Variants in FAM114A2 observed in about 807,000 individuals in gnomAD.
FAM114A2 encodes the protein protein FAM114A2.
In FAM114A2, 53 loss-of-function variants were observed where a neutral mutation model predicts 58.4. That is an observed-to-expected ratio of 0.91 (90% CI 0.73 to 1.14). FAM114A2 has a LOEUF of 1.14. Among genes scored for constraint, FAM114A2 ranks in the 50% most tolerant of loss-of-function variants. The pLI is 0.00. For missense variants in FAM114A2, 601 were observed against 581.1 expected, an observed-to-expected ratio of 1.03 and a Z score of -0.35; for synonymous variants, 228 against 211.4, an observed-to-expected ratio of 1.08 and a Z score of -0.68.
chr5:154,003,281 C>T (rs1241605339), intron 9 of FAM114A2, among the ~76,000 whole-genome samples: 1 of 151,520 alleles, frequency 6.6e-6, no homozygotes, highest in Non-Finnish European at 1.5e-5. Context: ...TGGGTCCAAG[C>T]GATTCTCCTG....
In FAM114A2 at chr5:154,027,289, C is replaced by T. The variant is rs369419993; in HGVS notation, c.676G>A (p.Glu226Lys). The T allele has an allele frequency of 8.7e-6, 14 of 1,613,484 alleles. No individual in the cohort carries two copies. The highest frequency in any genetic ancestry group is 1.2e-5 in the Non-Finnish European group (14 of 1,179,740). Residue 226 changes from glutamate to lysine, a missense_variant, in exon 7 of 14, where the codon GAG becomes AAG. Glu to Lys is a moderately conservative substitution (Grantham distance 56). Coordinates refer to ENST00000351797, the MANE Select transcript of FAM114A2 (RefSeq NM_018691.4). ...TTCTTGTCTGTTTCCACGGTAACCT[C>T]ATTGGAGGTCCGTATCTCTTCTTTC... ...KEKEEIRTSN[E>K]VTVETDKKTH...
Position 154,011,327 on chromosome 5 carries a change from A to C in FAM114A2, c.914-7T>G. ...TTGGTAAAATCTTCATCCCCTAAAA[A>C]ACCAAGTCCCATATAAAACACTCCA... On this transcript the variant is annotated splice_region_variant and splice_polypyrimidine_tract_variant and intron_variant, in intron 8 of 13. Transcript: ENST00000351797. 3 of 1,607,466 alleles carry C rather than the reference A, an allele frequency of 1.9e-6. No individual in the cohort carries two copies. Among genetic ancestry groups the C allele is most frequent in the East Asian group, 2.2e-5 (1 of 44,798 alleles).
In FAM114A2 at chr5:154,026,431, T is replaced by C; in HGVS notation, c.881A>G (p.Glu294Gly). 3 of 1,581,012 alleles carry C rather than the reference T, an allele frequency of 1.9e-6. No homozygotes were observed. Reference sequence around the variant, plus strand: ...CTCTTCTTCCTCTTCTTCACAAAATTCTGCTAGAGAAAATGTTTCTTTGAG... The same window carrying C: ...CTCTTCTTCCTCTTCTTCACAAAATCCTGCTAGAGAAAATGTTTCTTTGAG... ...EQLKETFSLA[E>G]FCEEEEEEKK... Residue 294 changes from glutamate to glycine, a missense_variant, in exon 8 of 14, where the codon GAA (glutamate) becomes GGA (glycine). Physicochemically the swap from Glu to Gly is moderately conservative, Grantham distance 98. Transcript: ENST00000351797.
intron 8 of FAM114A2, among the ~76,000 whole-genome samples, chr5:154,014,420 C>A (rs933226276): frequency 6.6e-6 from 1 of 152,114 alleles, no homozygotes; most frequent in African/African-American, 2.4e-5. Context: ...AACCCATATA[C>A]CCTCTGAAGG....
At chr5:153,995,101 T>A in intron 12 of FAM114A2, 129 bp from the exon 13 acceptor site, 1 of 626,214 alleles carries the variant, frequency 1.6e-6, no homozygotes, top group Non-Finnish European at 2.9e-6. Flanking sequence ...AAGTCTGGAC[T>A]GAGAGCAAAA....
chr5:154,015,928 A>G (rs1561557814), intron 8 of FAM114A2, among the ~76,000 whole-genome samples: 2 of 152,126 alleles, frequency 1.3e-5, no homozygotes, highest in African/African-American at 4.8e-5. Context: ...AAATAAAAAA[A>G]CAATCCAAAC....
At chr5:154,013,191 T>A (rs576202620) in intron 8 of FAM114A2, among the ~76,000 whole-genome samples, 91 of 152,262 alleles carry the variant, frequency 6.0e-4, no homozygotes, top group Admixed American at 1.4e-3. Context: ...AGTTATTGCA[T>A]TAGAATAAAA....
Position 154,029,497 on chromosome 5 carries a change from G to C in FAM114A2, c.487C>G (p.Gln163Glu). The C allele has an allele frequency of 1.3e-6, 2 of 1,593,010 alleles. No individual in the cohort carries two copies. Among genetic ancestry groups the C allele is most frequent in the Non-Finnish European group, 1.7e-6 (2 of 1,161,580 alleles). Residue 163 changes from glutamine (Q) to glutamate (E), a missense_variant, in exon 5 of 14, where the codon CAG becomes GAG. Transcript: ENST00000351797. Reference protein sequence around the residue: ...GVFSTISTAVQSTGKSVISGG... With the variant: ...GVFSTISTAVESTGKSVISGG... ...TGCACTTTTTTACTTACTGTGCTCTGAACAGCAGTAGAGATGGTAGAGAAT... is the reference window on the plus strand; with the variant it reads ...TGCACTTTTTTACTTACTGTGCTCTCAACAGCAGTAGAGATGGTAGAGAAT...
In FAM114A2 at chr5:154,002,888, C is replaced by T; in HGVS notation, c.1075G>A (p.Glu359Lys). The T allele has an allele frequency of 6.2e-7, 1 of 1,614,088 alleles. No homozygotes were observed. Among genetic ancestry groups the T allele is most frequent in the Non-Finnish European group, 8.5e-7 (1 of 1,179,942 alleles). Residue 359 changes from glutamate (E) to lysine (K), a missense_variant, in exon 10 of 14, where the codon GAA (glutamate) becomes AAA (lysine). By Grantham distance (56) the Glu-to-Lys change is moderately conservative. Transcript: ENST00000351797. Reference sequence around the variant, plus strand: ...TTGACTTGCTCAGTATTTTCTGCTTCCGACTGTTTTTCTCCTTCTTCATTC... The same window carrying T: ...TTGACTTGCTCAGTATTTTCTGCTTTCGACTGTTTTTCTCCTTCTTCATTC... ...AENEEGEKQS[E>K]AENTEQVNKN... is the part of the protein sequence containing the mutation.
chr5:154,034,694 T>G (rs961701625), intron 2 of FAM114A2, 50 bp downstream of exon 2: 2 of 1,342,526 alleles, frequency 1.5e-6, no homozygotes, highest in Non-Finnish European at 2.1e-6. Flanking sequence ...CAACATTTTT[T>G]AATCCTAATA....
chr5:154,017,049 G>C (rs1771084133), intron 8 of FAM114A2, among the ~76,000 whole-genome samples: 1 of 152,168 alleles, frequency 6.6e-6, no homozygotes, highest in Admixed American at 6.6e-5. Context: ...ATCATATAAT[G>C]GCAAAAGGCA....
intron 9 of FAM114A2, among the ~76,000 whole-genome samples, chr5:154,006,565 T>C (rs1194490851): frequency 1.3e-5 from 2 of 151,836 alleles, no homozygotes; most frequent in East Asian, 1.9e-4. Flanking sequence ...GAAAATTAGG[T>C]TGGAGTAGTG....
chr5:154,009,896 C>A (rs1253814736), intron 9 of FAM114A2, among the ~76,000 whole-genome samples: 4 of 152,178 alleles, frequency 2.6e-5, no homozygotes, highest in Non-Finnish European at 5.9e-5. Context: ...CATGTACTGG[C>A]TCCAGTGGTA....
chr5:154,021,320 T>G (rs1016016385), intron 8 of FAM114A2, among the ~76,000 whole-genome samples: 7 of 152,074 alleles, frequency 4.6e-5, no homozygotes, highest in African/African-American at 1.7e-4. Flanking sequence ...GAGAAAGAAA[T>G]AAAGGGTATT....
At chr5:154,011,388 G>A (rs1770688639) in intron 8 of FAM114A2, 68 bp from the exon 9 acceptor site, 1 of 1,006,810 alleles carries the variant, frequency 9.9e-7, no homozygotes, top group Non-Finnish European at 1.6e-6. Context: ...GGCAGGCGAG[G>A]AGGAAGAGGA....
chr5:154,020,795 A>T lies in FAM114A2; in HGVS notation c.913+5604T>A, dbSNP rs1265243975. ...GAAGGAATCCTCCCTAACTCATTTT[A>T]TGAGGTCAGCATCATCCTGATACCA... On this transcript the variant is annotated intron_variant, in intron 8 of 13. Coordinates refer to ENST00000351797, the MANE Select transcript of FAM114A2 (RefSeq NM_018691.4). 3.3e-5 allele frequency among the ~76,000 whole-genome samples: 5 copies of T among 152,214 alleles called. No homozygotes were observed. In the South Asian group the frequency reaches 1.0e-3, roughly 32 times the overall value.
At chr5:153,997,432 A>G (rs986042004) in intron 12 of FAM114A2, among the ~76,000 whole-genome samples, 3 of 152,240 alleles carry the variant, frequency 2.0e-5, no homozygotes, top group East Asian at 1.9e-4. Context: ...GTATTAATAC[A>G]TGCTACAATG....
intron 6 of FAM114A2, 102 bp from the exon 7 acceptor site, chr5:154,027,436 GGATT>G: frequency 1.1e-6 from 1 of 889,660 alleles, no homozygotes; most frequent in Non-Finnish European, 1.6e-6. Flanking sequence ...AGAGTACAGA[GGATT>G]GCCCTTTCAT....
chr5:154,011,420 C>T (rs1581790273), intron 8 of FAM114A2, 100 bp from the exon 9 acceptor site: 3 of 718,156 alleles, frequency 4.2e-6, no homozygotes, highest in Non-Finnish European at 7.4e-6. Flanking sequence ...ATAGCAGTGA[C>T]AGTAGTAGTA....
Sources: allele counts gnomAD v4.1 joint callset (sites outside exome capture counted in the v4.1 genomes callset), GRCh38; gene constraint gnomAD v4.1.1; transcripts MANE v1.5; gene names NCBI Gene and HGNC (gene_info 2026-07-23, HGNC 2026-07-21).